DLC1: variants seen among roughly 807,000 people sequenced by gnomAD.
The protein encoded by DLC1 is rho GTPase-activating protein 7.
In DLC1, 54 loss-of-function variants were observed where a neutral mutation model predicts 140.3. That is an observed-to-expected ratio of 0.38 (90% confidence interval 0.31 to 0.48). The LOEUF (loss-of-function observed/expected upper bound fraction) is 0.48, where lower values mean the gene tolerates loss of function less well. DLC1 is among the 20% of genes least tolerant of loss of function. The probability of loss-of-function intolerance (pLI) is 0.96; values close to 1 mark genes in which losing one functional copy is unlikely to be tolerated. For missense variants in DLC1, 2,536 were observed against 1,907.0 expected (o/e 1.33, Z -6.14); for synonymous variants, 986 against 728.1 (o/e 1.35, Z -5.70).
intron 9 of DLC1, 33 bp from the exon 10 acceptor site, chr8:13,098,608 A>G: frequency 1.9e-6 from 3 of 1,582,544 alleles, no homozygotes; most frequent in Non-Finnish European, 2.6e-6. Context: ...AATGAGTGTG[A>G]AGCCTTTTTA....
intron 5 of DLC1, among the ~76,000 whole-genome samples, chr8:13,291,887 A>G (rs573814870): frequency 3.8e-4 from 58 of 152,328 alleles, no homozygotes; most frequent in African/African-American, 1.3e-3. Flanking sequence ...TAGACGAAGC[A>G]AAGGTTTTCC....
chr8:13,317,818 A>C (rs1423209719), intron 4 of DLC1, among the ~76,000 whole-genome samples: 1 of 152,136 alleles, frequency 6.6e-6, no homozygotes, highest in Non-Finnish European at 1.5e-5. Context: ...AGTCAGAGAA[A>C]TAAGTTGTAG....
At chr8:13,478,715 C>G (rs1800550130) in intron 2 of DLC1, among the ~76,000 whole-genome samples, 1 of 152,156 alleles carries the variant, frequency 6.6e-6, no homozygotes, top group African/African-American at 2.4e-5. Flanking sequence ...TATCAGCTTC[C>G]AATATAATGT....
intron 4 of DLC1, among the ~76,000 whole-genome samples, chr8:13,323,777 C>G (rs1476382340): frequency 2.6e-5 from 4 of 152,090 alleles, no homozygotes; most frequent in African/African-American, 9.7e-5. Flanking sequence ...ATATTTAATC[C>G]TCACAGCAGT....
intron 1 of DLC1, among the ~76,000 whole-genome samples, chr8:13,572,159 G>T (rs576624257): frequency 1.3e-5 from 2 of 148,570 alleles, no homozygotes; most frequent in African/African-American, 5.0e-5. Flanking sequence ...GCACGATCTC[G>T]CCTCACTGCA....
intron 5 of DLC1, among the ~76,000 whole-genome samples, chr8:13,271,070 C>T (rs138050710): frequency 2.0e-5 from 3 of 152,310 alleles, no homozygotes; most frequent in Non-Finnish European, 4.4e-5. Context: ...TATATTCTCT[C>T]ATCAAAGCCA....
At chr8:13,383,485 G>C (rs145808053) in intron 4 of DLC1, among the ~76,000 whole-genome samples, 56 of 152,292 alleles carry the variant, frequency 3.7e-4, no homozygotes, top group African/African-American at 1.3e-3. Flanking sequence ...ACTTTGAACA[G>C]ATGCTATCTT....
chr8:13,237,855 A>T (rs1829360998), intron 5 of DLC1, among the ~76,000 whole-genome samples: 1 of 152,094 alleles, frequency 6.6e-6, no homozygotes, highest in African/African-American at 2.4e-5. Flanking sequence ...GTTATAACAG[A>T]TCATTTAAAA....
At chr8:13,319,540 G>A (rs1227124270) in intron 4 of DLC1, among the ~76,000 whole-genome samples, 2 of 151,360 alleles carry the variant, frequency 1.3e-5, no homozygotes, top group African/African-American at 2.4e-5. Flanking sequence ...ACAAAATCTG[G>A]TTGTTTAAAA....
intron 2 of DLC1, among the ~76,000 whole-genome samples, chr8:13,489,725 T>C (rs1228301151): frequency 6.6e-6 from 1 of 152,174 alleles, no homozygotes; most frequent in Non-Finnish European, 1.5e-5. Context: ...TAGTGAAGAA[T>C]CTGTGGACAC....
intron 5 of DLC1, among the ~76,000 whole-genome samples, chr8:13,260,575 T>C (rs747594034): frequency 1.3e-5 from 2 of 151,944 alleles, no homozygotes; most frequent in African/African-American, 2.4e-5. Flanking sequence ...CAATAGACAG[T>C]TGGAAATATA....
intron 1 of DLC1, among the ~76,000 whole-genome samples, chr8:13,561,022 T>G (rs1349434200): frequency 6.6e-6 from 1 of 152,154 alleles, no homozygotes; most frequent in African/African-American, 2.4e-5. Context: ...ATTTGGAATG[T>G]CTAGGCTCAA....
chr8:13,225,562 C>T (rs1204728911), intron 5 of DLC1, among the ~76,000 whole-genome samples: 4 of 151,748 alleles, frequency 2.6e-5, no homozygotes, highest in Admixed American at 6.6e-5. Context: ...TACCTCAAGG[C>T]TGAAGGATTT....
At chr8:13,128,276 T>G (rs1348484587) in intron 5 of DLC1, among the ~76,000 whole-genome samples, 2 of 152,198 alleles carry the variant, frequency 1.3e-5, no homozygotes, top group African/African-American at 4.8e-5. Context: ...AAGAAAACAT[T>G]ATTTCGTACA....
intron 5 of DLC1, among the ~76,000 whole-genome samples, chr8:13,129,234 C>T (rs1821876321): frequency 1.3e-5 from 2 of 152,220 alleles, no homozygotes; most frequent in Admixed American, 6.5e-5. Flanking sequence ...CAAAGAGGAA[C>T]AGCCTTCACC....
At chr8:13,097,804 C>G (rs572645501) in intron 10 of DLC1, among the ~76,000 whole-genome samples, 5 of 152,034 alleles carry the variant, frequency 3.3e-5, no homozygotes, top group African/African-American at 4.8e-5. Flanking sequence ...ATCTGTCACT[C>G]AAAGAGCTGA....
intron 3 of DLC1, among the ~76,000 whole-genome samples, chr8:13,398,073 G>A (rs556385264): frequency 7.9e-5 from 12 of 152,088 alleles, no homozygotes; most frequent in Non-Finnish European, 1.5e-4. Flanking sequence ...AGAGGTTGCC[G>A]TGAGCCTAGA....
At chr8:13,501,597 T>C (rs1801824099) in intron 1 of DLC1, among the ~76,000 whole-genome samples, 1 of 152,214 alleles carries the variant, frequency 6.6e-6, no homozygotes, top group African/African-American at 2.4e-5. Flanking sequence ...AATTTCGAGC[T>C]GTTCTGACTA....
chr8:13,551,772 C>G (rs2117357392), intron 1 of DLC1, among the ~76,000 whole-genome samples: 1 of 150,322 alleles, frequency 6.7e-6, no homozygotes, highest in South Asian at 2.1e-4. Flanking sequence ...ACATATGTAT[C>G]TATCAAACAT....
Sources: gnomAD v4.1 joint callset for allele counts (sites outside exome capture counted in the v4.1 genomes callset) on GRCh38, gnomAD v4.1.1 for gene constraint, MANE v1.5 for transcripts, NCBI Gene and HGNC (gene_info 2026-07-23, HGNC 2026-07-21) for gene names.